The following EYA4 variants were observed in gnomAD, a reference collection of about 807,000 sequenced individuals.
EYA4 encodes the protein protein phosphatase EYA4.
A neutral mutation model predicts 87.9 loss-of-function variants in EYA4; 31 were observed. That is an observed-to-expected ratio of 0.35 (90% CI 0.27 to 0.48). EYA4 has a LOEUF of 0.48. EYA4 is among the 20% of genes least tolerant of loss of function. The pLI is 0.99. For missense variants in EYA4, 678 were observed against 761.4 expected (o/e 0.89, Z 1.29); for synonymous variants, 263 against 270.6 (o/e 0.97, Z 0.28).
chr6:133,525,295 C>T, intron 19 of EYA4, 41 bp downstream of exon 19: 2 of 1,529,682 alleles, frequency 1.3e-6, no homozygotes, highest in Admixed American at 1.7e-5. Context: ...ACTTCTAATG[C>T]AAGCCTTTTT....
chr6:133,500,469 T>C (rs1280399063), intron 13 of EYA4, among the ~76,000 whole-genome samples: 1 of 152,076 alleles, frequency 6.6e-6, no homozygotes, highest in Non-Finnish European at 1.5e-5. Flanking sequence ...GCCACAAATC[T>C]CAAGTGGGTG....
chr6:133,319,634 A>G (rs374964686), intron 2 of EYA4, among the ~76,000 whole-genome samples: 5 of 151,760 alleles, frequency 3.3e-5, no homozygotes, highest in Non-Finnish European at 7.4e-5. Context: ...GTTCTCGCTT[A>G]AAAAAATTGT....
intron 2 of EYA4, among the ~76,000 whole-genome samples, chr6:133,345,747 T>C (rs1783142735): frequency 6.6e-6 from 1 of 152,222 alleles, no homozygotes; most frequent in Non-Finnish European, 1.5e-5. Flanking sequence ...ACTGATTTTT[T>C]AGAAAGGGGT....
intron 2 of EYA4, among the ~76,000 whole-genome samples, chr6:133,322,959 C>T (rs557667951): frequency 3.9e-5 from 6 of 152,042 alleles, no homozygotes; most frequent in Non-Finnish European, 8.8e-5. Flanking sequence ...CTCTACTTAC[C>T]CTATCTTTGA....
At chr6:133,424,112 G>A (rs1404798536) in intron 3 of EYA4, among the ~76,000 whole-genome samples, 2 of 152,168 alleles carry the variant, frequency 1.3e-5, no homozygotes, top group Non-Finnish European at 2.9e-5. Flanking sequence ...TCAGCAGAGA[G>A]GGTAGCTCCT....
chr6:133,264,293 A>T (rs1326298886), intron 1 of EYA4, among the ~76,000 whole-genome samples: 1 of 152,262 alleles, frequency 6.6e-6, no homozygotes, highest in Non-Finnish European at 1.5e-5. Flanking sequence ...CTACCGCTAG[A>T]CACTGCCATG....
intron 3 of EYA4, among the ~76,000 whole-genome samples, chr6:133,408,380 T>C (rs926842461): frequency 2.0e-5 from 3 of 152,252 alleles, no homozygotes; most frequent in Admixed American, 2.0e-4. Flanking sequence ...GTCTGCATAG[T>C]CTTGTCCTCT....
intron 13 of EYA4, among the ~76,000 whole-genome samples, chr6:133,489,240 A>C (rs1334829061): frequency 1.3e-5 from 2 of 152,168 alleles, no homozygotes; most frequent in Admixed American, 6.5e-5. Context: ...AAACGAATGA[A>C]GCGCACCTAC....
intron 2 of EYA4, among the ~76,000 whole-genome samples, chr6:133,335,265 A>G (rs921778027): frequency 1.3e-5 from 2 of 152,236 alleles, no homozygotes; most frequent in African/African-American, 4.8e-5. Context: ...GGCTAATTAC[A>G]GAAGGACTCA....
At chr6:133,398,647 A>G (rs1788002765) in intron 3 of EYA4, among the ~76,000 whole-genome samples, 1 of 152,144 alleles carries the variant, frequency 6.6e-6, no homozygotes, top group Non-Finnish European at 1.5e-5. Context: ...TTTTGCATGC[A>G]TGCTATGGAA....
chr6:133,458,577 G>A (rs1794107613), intron 6 of EYA4, among the ~76,000 whole-genome samples: 1 of 152,052 alleles, frequency 6.6e-6, no homozygotes, highest in Non-Finnish European at 1.5e-5. Flanking sequence ...GCTATCCTCT[G>A]CACTGTAAGA....
intron 17 of EYA4, among the ~76,000 whole-genome samples, chr6:133,516,394 A>AT (rs954641777): frequency 6.6e-6 from 1 of 152,230 alleles, no homozygotes; most frequent in African/African-American, 2.4e-5. Flanking sequence ...TCAAAAAAAA[A>AT]GAATCTGTCA....
At chr6:133,294,255 G>A (rs868111628) in intron 2 of EYA4, among the ~76,000 whole-genome samples, 4 of 150,058 alleles carry the variant, frequency 2.7e-5, no homozygotes, top group African/African-American at 7.3e-5. Context: ...ATATGTACTC[G>A]AAATAACTAC....
intron 13 of EYA4, among the ~76,000 whole-genome samples, chr6:133,488,537 G>A (rs146896520): frequency 1.3e-5 from 2 of 152,232 alleles, no homozygotes; most frequent in East Asian, 3.9e-4. Context: ...CCAGCTCCAG[G>A]CAGCTCAACA....
chr6:133,493,039 T>G (rs1345758581), intron 13 of EYA4, among the ~76,000 whole-genome samples: 1 of 152,094 alleles, frequency 6.6e-6, no homozygotes, highest in Non-Finnish European at 1.5e-5. Context: ...AAGCAATCTA[T>G]CAATTCAATG....
chr6:133,304,715 C>T (rs965435087), intron 2 of EYA4, among the ~76,000 whole-genome samples: 1 of 152,164 alleles, frequency 6.6e-6, no homozygotes, highest in Non-Finnish European at 1.5e-5. Context: ...GACACCTTCT[C>T]TGTTTTTCTC....
intron 2 of EYA4, among the ~76,000 whole-genome samples, chr6:133,294,062 T>TATATATATATATATAAAAAA (rs71003632): frequency 1.0e-4 from 11 of 105,162 alleles, no homozygotes; most frequent in Non-Finnish European, 1.0e-4. Flanking sequence ...TATATATATA[T>TATATATATATATATAAAAAA]AATTCTATTC....
At chr6:133,281,310 C>A (rs1036603089) in intron 2 of EYA4, among the ~76,000 whole-genome samples, 2 of 152,104 alleles carry the variant, frequency 1.3e-5, no homozygotes, top group Non-Finnish European at 2.9e-5. Context: ...AAATTTGAGT[C>A]CAGTTTATCT....
At chr6:133,434,816 T>G (rs1214783401) in intron 3 of EYA4, among the ~76,000 whole-genome samples, 1 of 151,956 alleles carries the variant, frequency 6.6e-6, no homozygotes, top group African/African-American at 2.4e-5. Flanking sequence ...ACTGGTAGAG[T>G]TTTTTCTTAG....
Sources: gnomAD v4.1 joint callset for allele counts (sites outside exome capture counted in the v4.1 genomes callset) on GRCh38, gnomAD v4.1.1 for gene constraint, MANE v1.5 for transcripts, NCBI Gene and HGNC (gene_info 2026-07-23, HGNC 2026-07-21) for gene names.